The following ANP32B variants were observed in gnomAD, a reference collection of about 807,000 sequenced individuals.
The protein encoded by ANP32B is acidic leucine-rich nuclear phosphoprotein 32 family member B.
In ANP32B, 6 loss-of-function variants were observed where a neutral mutation model predicts 32.2. The observed-to-expected ratio is 0.19, with a 90% CI of 0.10 to 0.37. ANP32B has a LOEUF of 0.37. ANP32B is among the 10% of genes least tolerant of loss of function. The pLI, the probability that ANP32B is intolerant of heterozygous loss-of-function variation, is 1.00. For missense variants in ANP32B, 204 were observed against 289.2 expected (o/e 0.71, Z 2.14); for synonymous variants, 98 against 105.8 (o/e 0.93, Z 0.45).
chr9:98,008,124 T>G (rs1828118420), intron 4 of ANP32B, among the ~76,000 whole-genome samples: 2 of 152,110 alleles, frequency 1.3e-5, no homozygotes, highest in South Asian at 4.1e-4. Context: ...TTCCTGATGC[T>G]CTCCGTCCCC....
intron 5 of ANP32B, among the ~76,000 whole-genome samples, chr9:98,012,218 T>C (rs976357387): frequency 6.6e-6 from 1 of 151,248 alleles, no homozygotes; most frequent in Non-Finnish European, 1.5e-5. Context: ...CTAAAAAAAA[T>C]TTTTCTTAGA....
At chr9:97,985,637 G>T (rs550322457) in intron 1 of ANP32B, among the ~76,000 whole-genome samples, 1 of 152,306 alleles carries the variant, frequency 6.6e-6, no homozygotes. Context: ...TCAGAAATGC[G>T]TTAAAATCTA....
chr9:97,996,333 C>T (rs908310307), intron 2 of ANP32B, among the ~76,000 whole-genome samples: 1 of 152,124 alleles, frequency 6.6e-6, no homozygotes, highest in African/African-American at 2.4e-5. Context: ...TATCAGTGAC[C>T]GTTTTTATAG....
chr9:97,983,633 C>T (rs373994803), intron 1 of ANP32B, 24 bp downstream of exon 1: 43 of 1,536,194 alleles, frequency 2.8e-5, no homozygotes, highest in Non-Finnish European at 3.5e-5. Context: ...CCTCTGGGTG[C>T]CCTCTCCCCC....
At chr9:98,004,921 T>G (rs1485450751) in intron 3 of ANP32B, 43 bp from the exon 4 acceptor site, 1 of 1,493,944 alleles carries the variant, frequency 6.7e-7, no homozygotes, top group African/African-American at 1.4e-5. Context: ...GTTACTTATA[T>G]TCCTTTGGTT....
chr9:97,991,088 G>T (rs1827818018), intron 1 of ANP32B, among the ~76,000 whole-genome samples: 1 of 150,640 alleles, frequency 6.6e-6, no homozygotes, highest in African/African-American at 2.4e-5. Context: ...TCCCAAAGTG[G>T]TTGGGATTAT....
At chr9:97,994,436 C>T (rs1374288383) in intron 1 of ANP32B, among the ~76,000 whole-genome samples, 195 bp from the exon 2 acceptor site, 3 of 152,212 alleles carry the variant, frequency 2.0e-5, no homozygotes, top group Non-Finnish European at 2.9e-5. Context: ...AATATTCCAT[C>T]TTTGAACCTG....
intron 3 of ANP32B, among the ~76,000 whole-genome samples, chr9:98,004,586 C>T (rs939928508): frequency 6.6e-6 from 1 of 152,160 alleles, no homozygotes; most frequent in East Asian, 1.9e-4. Flanking sequence ...CCGCTTGATA[C>T]CCAGGAAGTT....
In ANP32B at chr9:98,005,096, G is replaced by A; in HGVS notation, c.460G>A (p.Glu154Lys). ...GGATGGCTATGACCGAGAGGACCAG[G>A]AAGCACCTGACTCAGATGCCGAGGT... The part of the protein sequence containing the change: ...YLDGYDREDQ[E>K]APDSDAEVDG... The change falls in exon 4 of 7, where the codon GAA becomes AAA. Residue 154 changes from glutamate (E) to lysine (K), a missense_variant. By Grantham distance (56) the Glu-to-Lys change is moderately conservative (BLOSUM62 1). Coordinates refer to ENST00000339399, the MANE Select transcript of ANP32B (RefSeq NM_006401.3). 1 of 1,614,042 alleles carries A rather than the reference G, an allele frequency of 6.2e-7. No homozygotes were observed. The highest frequency in any genetic ancestry group is 8.5e-7 in the Non-Finnish European group (1 of 1,179,994).
chr9:98,004,910 T>C, intron 3 of ANP32B, 54 bp from the exon 4 acceptor site: 9 of 1,416,050 alleles, frequency 6.4e-6, no homozygotes, highest in Non-Finnish European at 7.7e-6. Flanking sequence ...GAGATGGATT[T>C]GTTACTTATA....
intron 1 of ANP32B, among the ~76,000 whole-genome samples, chr9:97,994,130 A>C (rs1327781928): frequency 1.3e-5 from 2 of 152,240 alleles, no homozygotes; most frequent in Non-Finnish European, 2.9e-5. Flanking sequence ...GGCAAAGATT[A>C]CTAAAACCAG....
chr9:97,991,582 G>A (rs2131582727), intron 1 of ANP32B, among the ~76,000 whole-genome samples: 1 of 152,226 alleles, frequency 6.6e-6, no homozygotes, highest in South Asian at 2.1e-4. Context: ...GTAATCGAGA[G>A]GTTACAAAAA....
intron 2 of ANP32B, among the ~76,000 whole-genome samples, chr9:97,995,927 A>AT (rs1489244895): frequency 9.1e-4 from 128 of 140,676 alleles, no homozygotes; most frequent in Non-Finnish European, 1.2e-3. Context: ...CTCTGTCTCG[A>AT]TTTAAAAAAA....
intron 6 of ANP32B, 66 bp downstream of exon 6, chr9:98,012,538 G>T (rs1828204057): frequency 6.3e-7 from 1 of 1,595,412 alleles, no homozygotes; most frequent in Non-Finnish European, 8.5e-7. Flanking sequence ...CCATTATTTA[G>T]AATATGATAC....
chr9:98,000,175 A>T (rs1827966374), intron 3 of ANP32B, among the ~76,000 whole-genome samples: 1 of 152,142 alleles, frequency 6.6e-6, no homozygotes, highest in Admixed American at 6.5e-5. Flanking sequence ...GAGAGGTCTC[A>T]CTATGTTAGG....
intron 1 of ANP32B, among the ~76,000 whole-genome samples, chr9:97,984,868 T>C (rs987052937): frequency 2.0e-5 from 3 of 150,132 alleles, no homozygotes; most frequent in African/African-American, 7.3e-5. Flanking sequence ...TTGGGCGGGC[T>C]TCGGCTCGGC....
chr9:98,001,621 TGTA>T (rs1262148445), intron 3 of ANP32B, among the ~76,000 whole-genome samples: 1 of 152,182 alleles, frequency 6.6e-6, no homozygotes, highest in Non-Finnish European at 1.5e-5. Context: ...TTTTCAGTGT[TGTA>T]GCACACAGCA....
At chr9:98,012,171 A>AT (rs1828196539) in intron 5 of ANP32B, among the ~76,000 whole-genome samples, 1 of 152,230 alleles carries the variant, frequency 6.6e-6, no homozygotes, top group African/African-American at 2.4e-5. Context: ...CCAGAGTTAT[A>AT]TACTAATTAA....
chr9:98,001,496 C>T (rs994464700), intron 3 of ANP32B, among the ~76,000 whole-genome samples: 3 of 152,158 alleles, frequency 2.0e-5, no homozygotes, highest in Non-Finnish European at 4.4e-5. Flanking sequence ...CTGGCCTTCT[C>T]TTTTAATTTT....
Sources: allele counts gnomAD v4.1 joint callset (sites outside exome capture counted in the v4.1 genomes callset), GRCh38; gene constraint gnomAD v4.1.1; transcripts MANE v1.5; gene names NCBI Gene and HGNC (gene_info 2026-07-23, HGNC 2026-07-21).